CDH23: variants seen among roughly 807,000 people sequenced by gnomAD.
CDH23 encodes cadherin-23.
A neutral mutation model predicts 317.1 loss-of-function variants in CDH23; 189 were observed. The ratio of observed to expected loss-of-function variants is 0.60; its 90% CI spans 0.53 to 0.67. CDH23 has a LOEUF of 0.67. CDH23 is among the 30% of genes least tolerant of loss of function. The pLI is 0.00. For synonymous variants in CDH23, 1,839 were observed against 1,876.8 expected (o/e 0.98, Z 0.52); for missense variants, 4,401 against 4,592.4 (o/e 0.96, Z 1.20).
At chr10:71,463,436 A>G (rs952501336) in intron 3 of CDH23, among the ~76,000 whole-genome samples, 1 of 152,182 alleles carries the variant, frequency 6.6e-6, no homozygotes, top group Admixed American at 6.5e-5. Context: ...TCCTCTGCCC[A>G]TTAAAAGAGT....
intron 3 of CDH23, among the ~76,000 whole-genome samples, chr10:71,457,906 C>A (rs1201881034): frequency 1.3e-5 from 2 of 152,178 alleles, no homozygotes; most frequent in African/African-American, 4.8e-5. Context: ...GTGGGGGTCT[C>A]GTCCAGCTGT....
Position 71,802,931 on chromosome 10 carries a change from C to T in CDH23, c.7516C>T (p.Arg2506Trp), listed in dbSNP as rs763511564. The change falls in exon 54 of 70, where the codon CGG (arginine) becomes TGG (tryptophan). Residue 2506 changes from arginine to tryptophan, a missense_variant. By Grantham distance (101) the Arg-to-Trp change is moderately radical. Around this residue, in one of 3 missense-constraint regions of CDH23, gnomAD observed 189 missense variants for 250.9 expected, o/e 0.75. Coordinates refer to ENST00000224721, the MANE Select transcript of CDH23 (RefSeq NM_022124.6). ...VIQVLDVNDC[R>W]PQFSKPQFST... ...CCAAGTGCTGGATGTCAATGACTGC[C>T]GGCCACAGTTCTCCAAGCCCCAGTT... 16 of 1,613,886 alleles carry T rather than the reference C, an allele frequency of 9.9e-6. No homozygotes were observed. The highest frequency in any genetic ancestry group is 6.7e-5 in the African/African-American group (5 of 74,912).
intron 16 of CDH23, among the ~76,000 whole-genome samples, chr10:71,678,612 G>A (rs903108943): frequency 3.3e-5 from 5 of 152,124 alleles, no homozygotes; most frequent in Non-Finnish European, 5.9e-5. Context: ...GCCTGGCCAC[G>A]GCCCCCCGTA....
intron 1 of CDH23, among the ~76,000 whole-genome samples, chr10:71,423,629 A>T (rs145877336): frequency 6.6e-6 from 1 of 152,266 alleles, no homozygotes; most frequent in East Asian, 1.9e-4. Context: ...GCAGGAGGTG[A>T]CAGCTTTAGG....
At chr10:71,795,100 A>C (rs1841363169) in intron 48 of CDH23, among the ~76,000 whole-genome samples, 1 of 152,254 alleles carries the variant, frequency 6.6e-6, no homozygotes, top group Non-Finnish European at 1.5e-5. Context: ...TGTAAAATAC[A>C]TACAAAATAA....
chr10:71,483,659 G>T (rs192463321), intron 3 of CDH23, among the ~76,000 whole-genome samples: 7 of 152,350 alleles, frequency 4.6e-5, no homozygotes, highest in Admixed American at 3.3e-4. Flanking sequence ...CCTAAGGGCT[G>T]GTCCCTGGGC....
Position 71,566,790 on chromosome 10 carries a change from G to A in CDH23, c.478G>A (p.Asp160Asn), listed in dbSNP as rs1057519500. ...CTTCATCGTGAATGCCACAGACCCC[G>A]ACTTGGGGGCAGGGGGCAGCGTCCT... Reference protein sequence around the residue: ...PIFIVNATDPDLGAGGSVLYS... With the variant: ...PIFIVNATDPNLGAGGSVLYS... Residue 160 changes from aspartate to asparagine, a missense_variant, in exon 7 of 70, where the codon GAC becomes AAC. Coordinates refer to ENST00000224721, the MANE Select transcript of CDH23 (RefSeq NM_022124.6). 4.3e-6 allele frequency: 7 copies of A among 1,612,638 alleles called. No individual in the cohort carries two copies. Among genetic ancestry groups the A allele is most frequent in the Non-Finnish European group, 4.2e-6 (5 of 1,178,900 alleles).
At chr10:71,728,447 A>G (rs1866912494) in intron 30 of CDH23, among the ~76,000 whole-genome samples, 1 of 151,998 alleles carries the variant, frequency 6.6e-6, no homozygotes, top group Non-Finnish European at 1.5e-5. Flanking sequence ...AGAGTCCTCC[A>G]CTGGTCAGGC....
At chr10:71,507,876 G>A (rs114959355) in intron 3 of CDH23, among the ~76,000 whole-genome samples, 2,512 of 152,322 alleles carry the variant, frequency 0.016, 58 homozygotes, top group African/African-American at 0.053. Flanking sequence ...GGGAATCTGG[G>A]AGTCTGGAAA....
intron 1 of CDH23, among the ~76,000 whole-genome samples, chr10:71,436,502 T>G (rs1197023441): frequency 1.3e-5 from 2 of 152,246 alleles, no homozygotes; most frequent in African/African-American, 4.8e-5. Flanking sequence ...AGCAGCATGG[T>G]GTGATGGAAA....
At chr10:71,734,395 C>T (rs1321281562) in intron 33 of CDH23, 54 bp downstream of exon 33, 11 of 1,544,302 alleles carry the variant, frequency 7.1e-6, no homozygotes, top group African/African-American at 1.4e-5. Flanking sequence ...CTGGCCATGA[C>T]ACTTCCTAAC....
chr10:71,456,953 T>A (rs906956565), intron 3 of CDH23, among the ~76,000 whole-genome samples: 1 of 152,178 alleles, frequency 6.6e-6, no homozygotes, highest in Admixed American at 6.5e-5. Flanking sequence ...TGTATGTAGG[T>A]CTTTGCTTTT....
chr10:71,416,057 C>T (rs1171314674), intron 1 of CDH23, among the ~76,000 whole-genome samples: 1 of 152,168 alleles, frequency 6.6e-6, no homozygotes, highest in Non-Finnish European at 1.5e-5. Context: ...TTGTTTTTCA[C>T]CTTTTCTATG....
intron 6 of CDH23, among the ~76,000 whole-genome samples, chr10:71,524,523 C>T (rs551987697): frequency 5.9e-5 from 9 of 152,274 alleles, no homozygotes; most frequent in South Asian, 2.1e-4. Context: ...TGGAGGAAAT[C>T]GCGTCATCTA....
chr10:71,570,687 C>T, intron 7 of CDH23, 103 bp from the exon 8 acceptor site: 2 of 1,376,348 alleles, frequency 1.5e-6, no homozygotes, highest in Non-Finnish European at 2.0e-6. Flanking sequence ...TGTGTTTGCA[C>T]TTATGTGCTG....
At chr10:71,467,284 G>A (rs1402035338) in intron 3 of CDH23, among the ~76,000 whole-genome samples, 6 of 152,218 alleles carry the variant, frequency 3.9e-5, no homozygotes, top group African/African-American at 1.4e-4. Flanking sequence ...AGGTGATAAT[G>A]TATGCCAGTG....
chr10:71,635,063 C>T (rs1862197430), intron 11 of CDH23, among the ~76,000 whole-genome samples: 1 of 152,208 alleles, frequency 6.6e-6, no homozygotes, highest in African/African-American at 2.4e-5. Context: ...AAGTCTGTGC[C>T]CAGGAACAGG....
In CDH23 at chr10:71,725,394, G is replaced by A; in HGVS notation, c.3453G>A (p.Arg1151=). The A allele has an allele frequency of 6.2e-7, 1 of 1,614,052 alleles. No individual in the cohort carries two copies. Among genetic ancestry groups the A allele is most frequent in the Non-Finnish European group, 8.5e-7 (1 of 1,179,904 alleles). The change falls in exon 30 of 70, where the codon CGG becomes CGA. Residue 1151 remains arginine (R), a synonymous_variant. Coordinates refer to ENST00000224721, the MANE Select transcript of CDH23 (RefSeq NM_022124.6). ...CAGGTAACCATGGCAACAACTTCCG[G>A]ATCCATGTCAGCAATGGGCTCCTGA... ...ILHGNHGNNF[R]IHVSNGLLMR... is the part of the protein sequence containing the mutation.
intron 1 of CDH23, among the ~76,000 whole-genome samples, chr10:71,404,714 C>T (rs1428283699): frequency 6.6e-6 from 1 of 152,262 alleles, no homozygotes; most frequent in Non-Finnish European, 1.5e-5. Flanking sequence ...CCGGGCCTGG[C>T]CCTGCAATCA....
Sources: gnomAD v4.1 joint callset for allele counts (sites outside exome capture counted in the v4.1 genomes callset) on GRCh38, gnomAD v4.1.1 for gene constraint, gnomAD v4.1.1 regional missense constraint, MANE v1.5 for transcripts, NCBI Gene and HGNC (gene_info 2026-07-23, HGNC 2026-07-21) for gene names.